MAN1A1: variants seen among roughly 807,000 people sequenced by gnomAD.
MAN1A1 encodes the protein mannosyl-oligosaccharide 1,2-alpha-mannosidase IA.
A neutral mutation model predicts 70.8 loss-of-function variants in MAN1A1; 29 were observed. The observed-to-expected ratio is 0.41, with a 90% CI of 0.31 to 0.56. The LOEUF is 0.56. MAN1A1 is among the 20% of genes least tolerant of loss of function. The pLI is 0.29. For synonymous variants in MAN1A1, 349 were observed against 330.1 expected, an observed-to-expected ratio of 1.06 and a Z score of -0.62; for missense variants, 747 against 841.3, an observed-to-expected ratio of 0.89 and a Z score of 1.39.
chr6:119,240,897 G>C (rs1774985898), intron 6 of MAN1A1, among the ~76,000 whole-genome samples: 3 of 152,186 alleles, frequency 2.0e-5, no homozygotes, highest in Admixed American at 1.3e-4. Context: ...GATCACAGAA[G>C]TGACCTCTGT....
chr6:119,248,370 G>GTTAA lies in MAN1A1; in HGVS notation c.898-20_898-17dup. 6.9e-7 allele frequency: 1 copy of GTTAA among 1,445,384 alleles called. No homozygotes were observed. Among genetic ancestry groups the GTTAA allele is most frequent in the Non-Finnish European group, 9.7e-7 (1 of 1,026,370 alleles). The allele number at this position is 1,445,384 out of a possible 1,614,324, so 89.5% of individuals were successfully genotyped here. On this transcript the variant is annotated splice_polypyrimidine_tract_variant and intron_variant, in intron 5 of 12. Coordinates refer to ENST00000368468, the MANE Select transcript of MAN1A1 (RefSeq NM_005907.4). ...TTCGAAAAATCTGAAAAGTCAAACA[G>GTTAA]TTAACTGTAAGCTACTGTTGCAAGC...
Position 119,348,780 on chromosome 6 carries a change from C to A in MAN1A1, c.286G>T (p.Asp96Tyr). The change falls in exon 2 of 13, where the codon GAC becomes TAC. Residue 96 changes from aspartate to tyrosine, a missense_variant. By Grantham distance (160) the Asp-to-Tyr change is radical. Transcript: ENST00000368468. The part of the protein sequence containing the change: ...HKPGPGARAE[D>Y]AAEGRARRRE... ...CGCCGGGCTCGCCCCTCGGCCGCGTCCTCGGCGCGCGCCCCGGGCCCGGGC... is the reference window on the plus strand; with the variant it reads ...CGCCGGGCTCGCCCCTCGGCCGCGTACTCGGCGCGCGCCCCGGGCCCGGGC... 1 of 1,421,168 alleles carries A rather than the reference C, an allele frequency of 7.0e-7. No homozygotes were observed. The highest frequency in any genetic ancestry group is 1.5e-5 in the African/African-American group (1 of 67,382). 88.0% of individuals were successfully genotyped at this position (1,421,168 alleles called of 1,614,324 possible).
At chr6:119,272,001 A>G (rs1775938686) in intron 5 of MAN1A1, among the ~76,000 whole-genome samples, 1 of 152,178 alleles carries the variant, frequency 6.6e-6, no homozygotes, top group Admixed American at 6.5e-5. Context: ...GTGACAGAAT[A>G]CATTATTAGC....
chr6:119,307,487 G>A (rs193029844), intron 2 of MAN1A1, among the ~76,000 whole-genome samples: 96 of 152,222 alleles, frequency 6.3e-4, no homozygotes, highest in African/African-American at 2.3e-3. Context: ...ATATGGAGAA[G>A]TATTTTAAAA....
chr6:119,209,247 A>G (rs1437728045), intron 6 of MAN1A1, among the ~76,000 whole-genome samples: 1 of 152,206 alleles, frequency 6.6e-6, no homozygotes, highest in Non-Finnish European at 1.5e-5. Context: ...ATATAAACAA[A>G]GCATTAAATA....
chr6:119,319,014 C>G lies in MAN1A1; in HGVS notation c.604-12022G>C, dbSNP rs759191214. On this transcript the variant is annotated intron_variant, in intron 2 of 12. Transcript: ENST00000368468. The stretch of plus-strand genomic sequence containing the variant: ...GCCACTAAATGGCAATATCAGATTT[C>G]TCATTAAACACATGCAGAAAAAAAG... Among the ~76,000 whole-genome samples, 4 of 152,170 alleles carry G rather than the reference C, an allele frequency of 2.6e-5. No homozygotes were observed. In the South Asian group the frequency reaches 8.3e-4, roughly 32 times the overall value.
rs148106422 is a variant in MAN1A1, at chr6:119,293,978, C to T, written c.817-3215G>A. The stretch of plus-strand genomic sequence containing the variant: ...GCAATGTACACAATAGCTGGTAACG[C>T]ACTCATCAGACACTCAATAGACAGC... On this transcript the variant is annotated intron_variant, in intron 4 of 12. Coordinates refer to ENST00000368468, the MANE Select transcript of MAN1A1 (RefSeq NM_005907.4). 3.5e-3 allele frequency among the ~76,000 whole-genome samples: 539 copies of T among 152,176 alleles called. 3 individuals carry two copies. The highest frequency in any genetic ancestry group is 5.7e-3 in the Non-Finnish European group (386 of 67,982).
intron 5 of MAN1A1, among the ~76,000 whole-genome samples, chr6:119,255,525 G>A (rs115020480): frequency 0.025 from 3,871 of 152,240 alleles, 176 homozygotes; most frequent in African/African-American, 0.09. Flanking sequence ...GTAGACCCTT[G>A]AAAGATTTAA....
chr6:119,239,045 C>G (rs534053797), intron 6 of MAN1A1, among the ~76,000 whole-genome samples: 3 of 152,090 alleles, frequency 2.0e-5, no homozygotes, highest in Admixed American at 1.3e-4. Context: ...TACCTGCCAC[C>G]GCGCCTGGCT....
chr6:119,225,424 G>GAA (rs1193957208), intron 6 of MAN1A1, among the ~76,000 whole-genome samples: 1 of 68,510 alleles, frequency 1.5e-5, no homozygotes, highest in Non-Finnish European at 3.4e-5. Context: ...AGAAAGAGAA[G>GAA]GAGGAGGAGA....
chr6:119,189,996 G>T, intron 9 of MAN1A1, 113 bp from the exon 10 acceptor site: 1 of 843,182 alleles, frequency 1.2e-6, no homozygotes, highest in Non-Finnish European at 1.8e-6. Flanking sequence ...TCAGAGTTTG[G>T]TGTTAAAAAT....
chr6:119,299,825 A>T (rs1205892118), intron 4 of MAN1A1, among the ~76,000 whole-genome samples: 1 of 152,184 alleles, frequency 6.6e-6, no homozygotes, highest in African/African-American at 2.4e-5. Context: ...CTGTTACAGT[A>T]ACATCTTGTC....
At chr6:119,269,261 T>G (rs1775846793) in intron 5 of MAN1A1, 1 of 284,756 alleles carries the variant, frequency 3.5e-6, no homozygotes, top group South Asian at 2.9e-5. Context: ...CTTCTTCCTC[T>G]TCTCCTGGGT....
chr6:119,240,236 C>G (rs1774965194), intron 6 of MAN1A1, among the ~76,000 whole-genome samples: 1 of 152,174 alleles, frequency 6.6e-6, no homozygotes, highest in African/African-American at 2.4e-5. Context: ...TAAACTGCCT[C>G]TAAATTCTCT....
At chr6:119,317,894 CAAAA>C (rs959638183) in intron 2 of MAN1A1, among the ~76,000 whole-genome samples, 1 of 147,402 alleles carries the variant, frequency 6.8e-6, no homozygotes, top group African/African-American at 2.5e-5. Context: ...AAAAAAAAAA[CAAAA>C]AAAACCTTCT....
At chr6:119,318,905 C>A (rs975395681) in intron 2 of MAN1A1, among the ~76,000 whole-genome samples, 2 of 152,152 alleles carry the variant, frequency 1.3e-5, no homozygotes, top group Non-Finnish European at 2.9e-5. Flanking sequence ...CAAAAGAACA[C>A]CCTAATAATT....
chr6:119,216,147 C>T (rs1774194647), intron 6 of MAN1A1, among the ~76,000 whole-genome samples: 1 of 152,148 alleles, frequency 6.6e-6, no homozygotes, highest in Non-Finnish European at 1.5e-5. Flanking sequence ...GACACTAGGC[C>T]AGATCAAGCG....
Position 119,224,142 on chromosome 6 carries a change from C to A in MAN1A1, c.993-19260G>T, listed in dbSNP as rs539972289. On this transcript the variant is annotated intron_variant, in intron 6 of 12. Coordinates refer to ENST00000368468, the MANE Select transcript of MAN1A1 (RefSeq NM_005907.4). Reference sequence around the variant, plus strand: ...CACTGGGTATAATCTCTGCTGAAATCCCTGGATGACCACTAAATAAGACAT... The same window carrying A: ...CACTGGGTATAATCTCTGCTGAAATACCTGGATGACCACTAAATAAGACAT... Among the ~76,000 whole-genome samples the A allele has an allele frequency of 2.6e-5, 4 of 152,244 alleles. No homozygotes were observed. In the East Asian group the frequency reaches 5.8e-4, roughly 22 times the overall value.
intron 5 of MAN1A1, among the ~76,000 whole-genome samples, chr6:119,263,443 C>T (rs1775666082): frequency 6.6e-6 from 1 of 152,034 alleles, no homozygotes. Context: ...TAAGTGGGAG[C>T]TAAACATTGA....
Sources: gnomAD v4.1 joint callset for allele counts (sites outside exome capture counted in the v4.1 genomes callset) on GRCh38, gnomAD v4.1.1 for gene constraint, MANE v1.5 for transcripts, NCBI Gene and HGNC (gene_info 2026-07-23, HGNC 2026-07-21) for gene names.